The following NCOA2 variants were observed in gnomAD, a reference collection of about 807,000 sequenced individuals.
The protein encoded by NCOA2 is class E basic helix-loop-helix protein 75.
Under a neutral mutation model 145.1 loss-of-function variants are expected in NCOA2, and 21 were observed. That is an observed-to-expected ratio of 0.14 (90% CI 0.10 to 0.21). The LOEUF is 0.21. Ranked by LOEUF, NCOA2 falls within the 10% of genes least tolerant of loss-of-function variation. NCOA2 has a pLI of 1.00. For synonymous variants in NCOA2, 619 were observed against 637.5 expected, an observed-to-expected ratio of 0.97 and a Z score of 0.44; for missense variants, 1,472 against 1,837.6, an observed-to-expected ratio of 0.80 and a Z score of 3.64.
the NCOA2 span, among the ~76,000 whole-genome samples, chr8:70,441,746 AAGAGAGAAAGAAAG>A: frequency 2.0e-5 from 3 of 150,816 alleles, no homozygotes; most frequent in East Asian, 1.9e-4. Flanking sequence ...AGAAACAGGA[AAGAGAGAAAGAAAG>A]AGAGAGAAAG....
At chr8:70,293,708 T>C (rs1225235540) in intron 2 of NCOA2, among the ~76,000 whole-genome samples, 2 of 152,228 alleles carry the variant, frequency 1.3e-5, no homozygotes, top group Admixed American at 1.3e-4. Context: ...TTCAAAGCTA[T>C]ATTGCCAAAT....
the NCOA2 span, among the ~76,000 whole-genome samples, chr8:70,455,516 A>G: frequency 2.2e-4 from 33 of 152,354 alleles, no homozygotes; most frequent in African/African-American, 7.9e-4. Context: ...AATAAACTAA[A>G]GACAACAGTG....
intron 2 of NCOA2, among the ~76,000 whole-genome samples, chr8:70,286,658 G>A (rs1298372784): frequency 6.6e-6 from 1 of 152,102 alleles, no homozygotes; most frequent in Non-Finnish European, 1.5e-5. Context: ...CGGCAGTTGT[G>A]AATAAAGTAA....
intron 4 of NCOA2, among the ~76,000 whole-genome samples, chr8:70,179,052 T>A (rs143190533): frequency 1.3e-3 from 199 of 152,330 alleles, no homozygotes; most frequent in African/African-American, 4.6e-3. Flanking sequence ...GTTGCAATAT[T>A]TACACAAATG....
At chr8:70,404,621 C>CA (rs1377460123), upstream of NCOA2, among the ~76,000 whole-genome samples, 1 of 152,230 alleles carries the variant, frequency 6.6e-6, no homozygotes, top group Admixed American at 6.5e-5. Context: ...GAAGGGGCAC[C>CA]ACCCGGCAAT....
chr8:70,349,339 T>C (rs1808963625), intron 1 of NCOA2, among the ~76,000 whole-genome samples: 1 of 152,136 alleles, frequency 6.6e-6, no homozygotes, highest in Admixed American at 6.5e-5. Context: ...TGGGTAATAT[T>C]CTAGAGAAAC....
In NCOA2 at chr8:70,384,561, A is replaced by T. The variant is rs59501702; in HGVS notation, c.-77+19139T>A. On this transcript the variant is annotated intron_variant, in intron 1 of 22. Coordinates refer to ENST00000452400, the MANE Select transcript of NCOA2 (RefSeq NM_006540.4). The stretch of plus-strand genomic sequence containing the variant: ...CCACTTCTAAGTCCAACACTTAGAT[A>T]CATCAAACAATCAGTCAATTTTCCA... Among the ~76,000 whole-genome samples, 284 of 152,358 alleles carry T rather than the reference A, an allele frequency of 1.9e-3. 4 individuals are homozygous for T. In the East Asian group the frequency reaches 0.051, roughly 28 times the overall value.
At chr8:70,354,278 A>T (rs148130604) in intron 1 of NCOA2, among the ~76,000 whole-genome samples, 2 of 152,360 alleles carry the variant, frequency 1.3e-5, no homozygotes, top group East Asian at 3.9e-4. Context: ...CTTTTGAAAT[A>T]CCAAATCATA....
intron 2 of NCOA2, among the ~76,000 whole-genome samples, chr8:70,287,761 T>A: frequency 6.6e-6 from 1 of 152,230 alleles, no homozygotes; most frequent in East Asian, 1.9e-4. Flanking sequence ...CTTCATGGAC[T>A]TCAGTCTAGC....
At chr8:70,321,859 G>A (rs1316082558) in intron 1 of NCOA2, among the ~76,000 whole-genome samples, 1 of 130,410 alleles carries the variant, frequency 7.7e-6, no homozygotes, top group Non-Finnish European at 1.5e-5. Flanking sequence ...TCTAGCCTAG[G>A]TGAGGTGGCC....
intron 1 of NCOA2, among the ~76,000 whole-genome samples, chr8:70,332,305 T>A (rs1454097362): frequency 6.6e-6 from 1 of 152,196 alleles, no homozygotes; most frequent in Non-Finnish European, 1.5e-5. Flanking sequence ...CCACTGTGAA[T>A]TAAAATGGCT....
At chr8:70,339,111 A>C (rs976413190) in intron 1 of NCOA2, among the ~76,000 whole-genome samples, 4 of 152,182 alleles carry the variant, frequency 2.6e-5, no homozygotes, top group African/African-American at 9.7e-5. Context: ...AAAGAAATAA[A>C]GGGTATTCAA....
chr8:70,134,930 A>G (rs796692044), intron 15 of NCOA2, among the ~76,000 whole-genome samples: 5 of 152,228 alleles, frequency 3.3e-5, no homozygotes, highest in Admixed American at 1.3e-4. Flanking sequence ...TAATTCTAAT[A>G]TGATGCTCTC....
chr8:70,286,037 A>T (rs963494014), intron 2 of NCOA2, among the ~76,000 whole-genome samples: 4 of 152,240 alleles, frequency 2.6e-5, no homozygotes, highest in South Asian at 2.1e-4. Flanking sequence ...TGAAATAAAA[A>T]GCATATTATG....
intron 1 of NCOA2, among the ~76,000 whole-genome samples, chr8:70,334,778 A>G (rs1156986859): frequency 6.6e-6 from 1 of 152,130 alleles, no homozygotes; most frequent in African/African-American, 2.4e-5. Context: ...TAGAGACTGA[A>G]AAAATGGAGA....
chr8:70,176,013 G>A (rs1337424299), intron 4 of NCOA2, among the ~76,000 whole-genome samples: 2 of 152,148 alleles, frequency 1.3e-5, no homozygotes, highest in African/African-American at 2.4e-5. Context: ...TCACAGAGGG[G>A]AGGATGACCT....
At chr8:70,141,427 G>T (rs1180324551) in intron 13 of NCOA2, 28 bp from the exon 14 acceptor site, 3 of 1,586,770 alleles carry the variant, frequency 1.9e-6, no homozygotes. Flanking sequence ...AAAACTGAGA[G>T]ATGCAGTAAC....
At chr8:70,228,817 T>G (rs1820889445) in intron 2 of NCOA2, among the ~76,000 whole-genome samples, 2 of 152,358 alleles carry the variant, frequency 1.3e-5, no homozygotes, top group East Asian at 3.9e-4. Context: ...CTATATTATA[T>G]TCCTTCTGCC....
chr8:70,111,283 T>C lies in NCOA2; in HGVS notation c.*2349A>G, dbSNP rs1203425375. The C allele has an allele frequency of 1.8e-5, 4 of 226,814 alleles. No individual in the cohort carries two copies. The East Asian group carries it at 2.5e-4, about 14-fold the overall frequency. The allele number at this position is 226,814 out of a possible 1,614,324, so 14.1% of individuals were successfully genotyped here. A position where few individuals can be genotyped will look rare whatever the true frequency, so the allele number is the denominator to read the frequency against. On this transcript the variant is annotated 3_prime_UTR_variant, in exon 23 of 23. Coordinates refer to ENST00000452400, the MANE Select transcript of NCOA2 (RefSeq NM_006540.4). ...AGGTAGATAGTTTTGGACGGTGTTG[T>C]AGTGAAAAGGGACTTGAAACTCAAA...
Sources: allele counts gnomAD v4.1 joint callset (sites outside exome capture counted in the v4.1 genomes callset), GRCh38; gene constraint gnomAD v4.1.1; transcripts MANE v1.5; gene names NCBI Gene and HGNC (gene_info 2026-07-23, HGNC 2026-07-21).